Variants in MYO15A observed in about 807,000 individuals in gnomAD.
MYO15A encodes the protein unconventional myosin-XV.
A neutral mutation model predicts 394.6 loss-of-function variants in MYO15A; 308 were observed. That is an observed-to-expected ratio of 0.78 (90% CI 0.71 to 0.86). The LOEUF is 0.86. Ranked by LOEUF, MYO15A falls within the 40% of genes least tolerant of loss-of-function variation. MYO15A has a pLI of 0.00. For synonymous variants in MYO15A, 1,957 were observed against 2,003.8 expected, an observed-to-expected ratio of 0.98 and a Z score of 0.62; for missense variants, 4,606 against 4,799.1, an observed-to-expected ratio of 0.96 and a Z score of 1.19.
intron 21 of MYO15A, 33 bp downstream of exon 21, chr17:18,140,865 A>T: frequency 6.2e-7 from 1 of 1,613,864 alleles, no homozygotes; most frequent in South Asian, 1.1e-5. Context: ...GAGAGAGCCA[A>T]ATCCTCCTGC....
chr17:18,154,876 C>T, intron 45 of MYO15A, 121 bp downstream of exon 45: 1 of 1,178,832 alleles, frequency 8.5e-7, no homozygotes. Context: ...CATGTGCCTC[C>T]TTGCTCTGCT....
Position 18,120,169 on chromosome 17 carries a change from T to G in MYO15A, c.1369T>G (p.Phe457Val), listed in dbSNP as rs1192174808. ...CTCCTTCCGCCTGCCCAGCGCCGCC[T>G]TCTTCGAGCAGCAAGGCATGGATAA... Reference protein sequence around the residue: ...GTSFRLPSAAFFEQQGMDKPA... With the variant: ...GTSFRLPSAAVFEQQGMDKPA... The change falls in exon 2 of 66, where the codon TTC (phenylalanine) becomes GTC (valine). Residue 457 changes from phenylalanine to valine, a missense_variant. By Grantham distance (50) the Phe-to-Val change is conservative (BLOSUM62 -1). Around this residue, in one of 2 missense-constraint regions of MYO15A, gnomAD observed 1,830 missense variants for 1,689.7 expected, o/e 1.08. Transcript: ENST00000647165. The G allele has an allele frequency of 6.2e-7, 1 of 1,612,916 alleles. No individual in the cohort carries two copies. Among genetic ancestry groups the G allele is most frequent in the Admixed American group, 1.7e-5 (1 of 60,026 alleles).
rs2045802263 is a variant in MYO15A at position 18,117,217 on chromosome 17, T to C, written c.-219-1365T>C. On this transcript the variant is annotated intron_variant, in intron 1 of 65. Coordinates refer to ENST00000647165, the MANE Select transcript of MYO15A (RefSeq NM_016239.4). The surrounding 1 kb of genome is among the most constrained non-coding windows in gnomAD (Gnocchi z 4.1). ...GGCACTGACTGGCTCCAGGTGAATC[T>C]TGGGGAGGAGGAGCAGGAAGAAGAG... Among the ~76,000 whole-genome samples, 3 of 152,138 alleles carry C rather than the reference T, an allele frequency of 2.0e-5. No individual in the cohort carries two copies. In the South Asian group the frequency reaches 6.2e-4, roughly 32 times the overall value.
intron 1 of MYO15A, among the ~76,000 whole-genome samples, chr17:18,116,137 A>G (rs2045779736): frequency 6.6e-6 from 1 of 152,186 alleles, no homozygotes; most frequent in Non-Finnish European, 1.5e-5. Flanking sequence ...CCTTAGGGAA[A>G]GGGGCCAGGC....
intron 35 of MYO15A, 39 bp downstream of exon 35, chr17:18,149,619 G>C: frequency 6.3e-7 from 1 of 1,591,738 alleles, no homozygotes; most frequent in Non-Finnish European, 8.6e-7. Flanking sequence ...CAGACAGCAG[G>C]CACAGCATGT....
rs1428755684 is a variant in MYO15A, at chr17:18,120,892, C to T, written c.2092C>T (p.Arg698Cys). ...PRPASPYGSLRRHPPPWAAPA... is the reference protein window; with the variant it reads ...PRPASPYGSLCRHPPPWAAPA... Reference sequence around the variant, plus strand: ...GCCGGCCTCGCCCTACGGCTCCCTCCGCCGCCACCCGCCGCCCTGGGCCGC... The same window carrying T: ...GCCGGCCTCGCCCTACGGCTCCCTCTGCCGCCACCCGCCGCCCTGGGCCGC... Residue 698 changes from arginine (R) to cysteine (C), a missense_variant, in exon 2 of 66, where the codon CGC becomes TGC. Coordinates refer to ENST00000647165, the MANE Select transcript of MYO15A (RefSeq NM_016239.4). 6 of 1,381,500 alleles carry T rather than the reference C, an allele frequency of 4.3e-6. No homozygotes were observed. Among genetic ancestry groups the T allele is most frequent in the Non-Finnish European group, 4.7e-6 (5 of 1,069,416 alleles). The allele number at this position is 1,381,500 out of a possible 1,614,324, so 85.6% of individuals were successfully genotyped here.
chr17:18,117,538 G>A lies in MYO15A; in HGVS notation c.-219-1044G>A, dbSNP rs1159217202. ...AGAGTGAACCAGAGTTCAGTGAGTT[G>A]AGGTCCATCTTGAGGAGGAAGAGGA... On this transcript the variant is annotated intron_variant, in intron 1 of 65. Coordinates refer to ENST00000647165, the MANE Select transcript of MYO15A (RefSeq NM_016239.4). The surrounding 1 kb of genome is among the most constrained non-coding windows in gnomAD (Gnocchi z 4.1). Among the ~76,000 whole-genome samples the A allele has an allele frequency of 1.3e-5, 2 of 152,240 alleles. No homozygotes were observed. The highest frequency in any genetic ancestry group is 2.9e-5 in the Non-Finnish European group (2 of 68,048).
Position 18,173,882 on chromosome 17 carries a change from C to T in MYO15A, c.10452C>T (p.Asp3484=), listed in dbSNP as rs747803954. Residue 3484 remains aspartate, a synonymous_variant, in exon 65 of 66, where the codon GAC becomes GAT. Transcript: ENST00000647165. ...CCTATGTGGAGATTGCGCTGGGGGA[C>T]GTGGCGGCCCAGCGCACCTTGCAGC... ...SYPYVEIALG[D]VAAQRTLQLQ... The T allele has an allele frequency of 7.4e-6, 12 of 1,612,798 alleles. No homozygotes were observed. The African/African-American group carries it at 8.0e-5, about 11-fold the overall frequency.
rs772113333 is a variant in MYO15A at position 18,121,604 on chromosome 17, C to T, written c.2804C>T (p.Pro935Leu). Reference sequence around the variant, plus strand: ...CCCAGCTGGGACGTGGACATGCCTCCCACCCAACGCCCACCCTCCCCCTGG... The same window carrying T: ...CCCAGCTGGGACGTGGACATGCCTCTCACCCAACGCCCACCCTCCCCCTGG... ...LAPSWDVDMP[P>L]TQRPPSPWPG... is the part of the protein sequence containing the mutation. Residue 935 changes from proline to leucine, a missense_variant, in exon 2 of 66, where the codon CCC (proline) becomes CTC (leucine). Coordinates refer to ENST00000647165, the MANE Select transcript of MYO15A (RefSeq NM_016239.4). The surrounding 1 kb of genome is among the most constrained non-coding windows in gnomAD (Gnocchi z 5.3). 42 of 1,599,016 alleles carry T rather than the reference C, an allele frequency of 2.6e-5. No homozygotes were observed. Among genetic ancestry groups the T allele is most frequent in the Non-Finnish European group, 3.6e-5 (42 of 1,172,168 alleles).
At chr17:18,176,803 C>G (rs550067167) in intron 65 of MYO15A, 1 of 152,062 alleles carries the variant, frequency 6.6e-6, no homozygotes, top group Admixed American at 6.6e-5. Flanking sequence ...CCCAAAGTGC[C>G]GGAATTACAG....
chr17:18,114,239 G>GTTTTT (rs2045757562), intron 1 of MYO15A, among the ~76,000 whole-genome samples: 4 of 67,096 alleles, frequency 6.0e-5, no homozygotes, highest in Admixed American at 3.4e-4. Context: ...CCACAGTCCT[G>GTTTTT]TCTTTTTTTT....
At chr17:18,156,083 G>C in intron 47 of MYO15A, 112 bp from the exon 48 acceptor site, 2 of 1,548,966 alleles carry the variant, frequency 1.3e-6, no homozygotes, top group Non-Finnish European at 1.8e-6. Flanking sequence ...GCACAATGGG[G>C]CCAAGGTGGG....
intron 62 of MYO15A, among the ~76,000 whole-genome samples, chr17:18,168,868 G>A (rs1012020529): frequency 2.6e-5 from 4 of 151,788 alleles, no homozygotes; most frequent in Non-Finnish European, 2.9e-5. Flanking sequence ...TTGGGAGGCC[G>A]AGATGGGCGG....
At position 18,157,063 on chromosome 17, in the gene MYO15A, T is replaced by G; in HGVS notation, c.8711T>G (p.Val2904Gly). Reference protein sequence around the residue: ...IHLQPLEPPRVGYSAGCVVRR... With the variant: ...IHLQPLEPPRGGYSAGCVVRR... Reference sequence around the variant, plus strand: ...CTGCAGCCCCTAGAGCCACCTCGAGTGGGTCAGTGCCACTGGGGTGGGCTG... The same window carrying G: ...CTGCAGCCCCTAGAGCCACCTCGAGGGGGTCAGTGCCACTGGGGTGGGCTG... The change falls in exon 49 of 66, where the codon GTG becomes GGG. Residue 2904 changes from valine (V) to glycine (G), a missense_variant and splice_region_variant. Coordinates refer to ENST00000647165, the MANE Select transcript of MYO15A (RefSeq NM_016239.4). 6.2e-7 allele frequency: 1 copy of G among 1,613,946 alleles called. No individual in the cohort carries two copies. The highest frequency in any genetic ancestry group is 1.3e-5 in the African/African-American group (1 of 75,028).
chr17:18,156,855 C>T, intron 48 of MYO15A, 99 bp from the exon 49 acceptor site: 1 of 1,078,748 alleles, frequency 9.3e-7, no homozygotes, highest in Non-Finnish European at 1.4e-6. Context: ...GCTCCCTTCC[C>T]TGATGAGTCA....
Position 18,127,069 on chromosome 17 carries a change from G to T in MYO15A, c.3942-6G>T, listed in dbSNP as rs749417937. The T allele has an allele frequency of 4.3e-6, 7 of 1,613,898 alleles. No homozygotes were observed. The Middle Eastern group carries it at 4.9e-4, about 114-fold the overall frequency. ...TGGAGCTCACTCTGCCCCTTTGCTC[G>T]GTCAGTGGAGAGAGCGGCTCTGGCA... On this transcript the variant is annotated splice_polypyrimidine_tract_variant and splice_region_variant and intron_variant, in intron 6 of 65. Coordinates refer to ENST00000647165, the MANE Select transcript of MYO15A (RefSeq NM_016239.4).
intron 19 of MYO15A, among the ~76,000 whole-genome samples, chr17:18,140,007 A>G (rs1425639272): frequency 1.3e-5 from 2 of 151,782 alleles, no homozygotes; most frequent in African/African-American, 4.8e-5. Flanking sequence ...TGGTGTTCTC[A>G]GTTTCTCCCA....
At chr17:18,175,134 G>C (rs1368917641) in intron 65 of MYO15A, among the ~76,000 whole-genome samples, 1 of 143,374 alleles carries the variant, frequency 7.0e-6, no homozygotes, top group Non-Finnish European at 1.5e-5. Context: ...GCCCAGACTA[G>C]TCTTAAACTC....
rs1204155469 is a variant in MYO15A at position 18,171,718 on chromosome 17, A to C, written c.10163A>C (p.His3388Pro). 6.2e-7 allele frequency: 1 copy of C among 1,612,682 alleles called. No homozygotes were observed. The highest frequency in any genetic ancestry group is 1.3e-5 in the African/African-American group (1 of 74,910). The stretch of plus-strand genomic sequence containing the variant: ...ACCTGGCTCAACCTGGTCAGCCAGC[A>C]CCGGCAGCAGACACAGGCGCTCAGC... ...GSTWLNLVSQHRQQTQALSPH... is the reference protein window; with the variant it reads ...GSTWLNLVSQPRQQTQALSPH... The change falls in exon 63 of 66, where the codon CAC becomes CCC. Residue 3388 changes from histidine (H) to proline (P), a missense_variant. This residue lies in a region of MYO15A where 2,776 missense variants were observed against 3,109.3 expected (regional missense o/e 0.89). Coordinates refer to ENST00000647165, the MANE Select transcript of MYO15A (RefSeq NM_016239.4).
Sources: allele counts gnomAD v4.1 joint callset (sites outside exome capture counted in the v4.1 genomes callset), GRCh38; gene constraint gnomAD v4.1.1; regional missense constraint gnomAD v4.1.1; non-coding constraint Gnocchi (gnomAD v3.1); transcripts MANE v1.5; gene names NCBI Gene and HGNC (gene_info 2026-07-23, HGNC 2026-07-21).